The following CACNB2 variants were observed in gnomAD, a reference collection of about 807,000 sequenced individuals.
CACNB2 encodes the protein calcium voltage-gated channel auxiliary subunit beta 2, also known as voltage-dependent L-type calcium channel subunit beta-2.
CACNB2 carries 42 observed loss-of-function variants against 73.3 expected under a neutral mutation model. The observed-to-expected ratio is 0.57, with a 90% CI of 0.45 to 0.74. CACNB2 has a LOEUF of 0.74. Ranked by LOEUF, CACNB2 falls within the 30% of genes least tolerant of loss-of-function variation. The pLI is 0.00. For missense variants in CACNB2, 940 were observed against 853.0 expected, an observed-to-expected ratio of 1.10 and a Z score of -1.27; for synonymous variants, 348 against 310.3, an observed-to-expected ratio of 1.12 and a Z score of -1.28.
chr10:18,412,689 T>G (rs947761672), intron 3 of CACNB2, among the ~76,000 whole-genome samples: 1 of 152,260 alleles, frequency 6.6e-6, no homozygotes, highest in South Asian at 2.1e-4. Flanking sequence ...ACCACTCTGG[T>G]GGTTCCTGTT....
chr10:18,327,224 C>G, intron 2 of CACNB2, among the ~76,000 whole-genome samples: 1 of 152,042 alleles, frequency 6.6e-6, no homozygotes, highest in East Asian at 1.9e-4. Context: ...AGAAAAGTGA[C>G]CACAAAAGAG....
intron 2 of CACNB2, among the ~76,000 whole-genome samples, chr10:18,325,199 G>A (rs529920243): frequency 4.6e-5 from 7 of 152,088 alleles, no homozygotes; most frequent in Admixed American, 4.6e-4. Flanking sequence ...GTTGGTTTTT[G>A]TCTTTTTAGG....
intron 4 of CACNB2, chr10:18,498,755 T>C (rs754346726): frequency 5.0e-6 from 2 of 402,658 alleles, no homozygotes; most frequent in African/African-American, 4.1e-5. Context: ...TTTTTTATGC[T>C]TAACCTATAC....
At chr10:18,418,807 C>G (rs899251721) in intron 3 of CACNB2, among the ~76,000 whole-genome samples, 1 of 152,172 alleles carries the variant, frequency 6.6e-6, no homozygotes, top group South Asian at 2.1e-4. Context: ...CTCATCCTGC[C>G]CTCCCTAGAC....
chr10:18,309,336 A>G (rs2039870371), intron 2 of CACNB2, among the ~76,000 whole-genome samples: 1 of 152,218 alleles, frequency 6.6e-6, no homozygotes, highest in Non-Finnish European at 1.5e-5. Flanking sequence ...TTTACACTGA[A>G]GCCGGAGCTT....
At chr10:18,406,929 G>T (rs1017220667) in intron 3 of CACNB2, among the ~76,000 whole-genome samples, 2 of 152,150 alleles carry the variant, frequency 1.3e-5, no homozygotes, top group African/African-American at 2.4e-5. Flanking sequence ...GTCAGTGTAC[G>T]TAAAGGCTGT....
intron 3 of CACNB2, among the ~76,000 whole-genome samples, chr10:18,475,986 TAAAAAA>T (rs1017607139): frequency 2.0e-5 from 3 of 151,868 alleles, no homozygotes; most frequent in African/African-American, 7.3e-5. Flanking sequence ...TTAGAGAAGT[TAAAAAA>T]AGAAAAAAGA....
intron 2 of CACNB2, among the ~76,000 whole-genome samples, chr10:18,173,087 A>G (rs1253032535): frequency 6.6e-6 from 1 of 151,790 alleles, no homozygotes; most frequent in Non-Finnish European, 1.5e-5. Flanking sequence ...TGACTGGCTA[A>G]TTTTGTGTTT....
chr10:18,197,151 C>G lies in CACNB2; in HGVS notation c.213+46176C>G, dbSNP rs146293513. Among the ~76,000 whole-genome samples, 46 of 152,242 alleles carry G rather than the reference C, an allele frequency of 3.0e-4. 1 individual carries two copies. Among genetic ancestry groups the G allele is most frequent in the African/African-American group, 8.4e-4 (35 of 41,546 alleles). On this transcript the variant is annotated intron_variant, in intron 2 of 13. Coordinates refer to ENST00000324631, the MANE Select transcript of CACNB2 (RefSeq NM_201596.3). ...TGGTTGATAGTTATCAGATACAGAG[C>G]TCTTTGATGGCAGGCCTGTGTTTCG...
chr10:18,416,021 G>A lies in CACNB2; in HGVS notation c.333+13978G>A, dbSNP rs189133917. 2.4e-3 allele frequency among the ~76,000 whole-genome samples: 363 copies of A among 152,186 alleles called. 4 individuals carry two copies. Among genetic ancestry groups the A allele is most frequent in the Admixed American group, 1.2e-3 (19 of 15,284 alleles). On this transcript the variant is annotated intron_variant, in intron 3 of 13. Coordinates refer to ENST00000324631, the MANE Select transcript of CACNB2 (RefSeq NM_201596.3). ...TAATGATCAAGTCAGGGGACTCAGAGTGTCCGTCACCCAAGTACAGCAGTT... is the reference window on the plus strand; with the variant it reads ...TAATGATCAAGTCAGGGGACTCAGAATGTCCGTCACCCAAGTACAGCAGTT...
intron 2 of CACNB2, among the ~76,000 whole-genome samples, chr10:18,189,096 G>A (rs79720344): frequency 0.025 from 3,792 of 152,208 alleles, 65 homozygotes; most frequent in Middle Eastern, 0.058. Context: ...CAAGTAGCTG[G>A]TACTACAGGT....
At chr10:18,493,158 C>G (rs575959037) in intron 3 of CACNB2, among the ~76,000 whole-genome samples, 18 of 152,234 alleles carry the variant, frequency 1.2e-4, no homozygotes, top group African/African-American at 4.3e-4. Context: ...CAGTTATGCG[C>G]AAATAGTACG....
At chr10:18,265,631 G>T (rs1037253564) in intron 2 of CACNB2, among the ~76,000 whole-genome samples, 2 of 152,156 alleles carry the variant, frequency 1.3e-5, no homozygotes, top group African/African-American at 4.8e-5. Flanking sequence ...GCCTGGGTTT[G>T]AATTTTGATA....
chr10:18,366,460 G>C (rs930009201), intron 2 of CACNB2, among the ~76,000 whole-genome samples: 1 of 118,030 alleles, frequency 8.5e-6, no homozygotes, highest in African/African-American at 3.3e-5. Context: ...GTGAGACTCC[G>C]TCTCAAAAAA....
chr10:18,386,639 C>T (rs902777383), intron 2 of CACNB2, among the ~76,000 whole-genome samples: 4 of 152,042 alleles, frequency 2.6e-5, no homozygotes, highest in East Asian at 1.9e-4. Context: ...ATCTCCTGAC[C>T]TCGTGATCCA....
chr10:18,226,385 A>T (rs1425347461), intron 2 of CACNB2, among the ~76,000 whole-genome samples: 1 of 152,156 alleles, frequency 6.6e-6, no homozygotes, highest in African/African-American at 2.4e-5. Context: ...CTGGATCCAT[A>T]ATGCATTTTG....
intron 3 of CACNB2, among the ~76,000 whole-genome samples, chr10:18,447,642 C>G (rs1165098754): frequency 2.6e-5 from 4 of 151,664 alleles, no homozygotes; most frequent in Non-Finnish European, 5.9e-5. Context: ...GACATGATCA[C>G]TGGCTTTGGA....
intron 2 of CACNB2, among the ~76,000 whole-genome samples, chr10:18,358,547 T>TCTCTCTC: frequency 3.7e-5 from 1 of 26,922 alleles, no homozygotes; most frequent in East Asian, 3.0e-4. Context: ...TCTCTCTCTC[T>TCTCTCTC]CTCTCGCTCT....
At chr10:18,206,328 A>G (rs554688530) in intron 2 of CACNB2, 1 of 152,398 alleles carries the variant, frequency 6.6e-6, no homozygotes, top group Non-Finnish European at 1.5e-5. Flanking sequence ...ACATAGCTGT[A>G]TCTCCTTTGT....
Sources: allele counts gnomAD v4.1 joint callset (sites outside exome capture counted in the v4.1 genomes callset), GRCh38; gene constraint gnomAD v4.1.1; transcripts MANE v1.5; gene names NCBI Gene and HGNC (gene_info 2026-07-23, HGNC 2026-07-21).